The following TENM1 variants were observed in gnomAD, a reference collection of about 807,000 sequenced individuals.
TENM1 encodes teneurin transmembrane protein 1.
TENM1 carries 35 observed loss-of-function variants against 174.8 expected under a neutral mutation model. The ratio of observed to expected loss-of-function variants is 0.20; its 90% CI spans 0.15 to 0.27. The LOEUF (loss-of-function observed/expected upper bound fraction) is 0.27, where lower values mean the gene tolerates loss of function less well. Among genes scored for constraint, TENM1 ranks in the 10% least tolerant of loss-of-function variants. TENM1 has a pLI of 1.00. For synonymous variants in TENM1, 781 were observed against 798.7 expected, an observed-to-expected ratio of 0.98 and a Z score of 0.37; for missense variants, 1,633 against 2,130.1, an observed-to-expected ratio of 0.77 and a Z score of 4.59.
At chrX:124,599,558 A>C (rs776038752) in intron 11 of TENM1, among the ~76,000 whole-genome samples, 1 of 111,610 alleles carries the variant, frequency 9.0e-6, no homozygotes, top group African/African-American at 3.3e-5. Context: ...GAGGAGATCC[A>C]GCAAAAGAGA....
intron 11 of TENM1, among the ~76,000 whole-genome samples, chrX:124,582,198 T>C (rs182361512): frequency 4.4e-5 from 5 of 112,466 alleles, no homozygotes; most frequent in African/African-American, 1.6e-4. Context: ...TCCATGCCCC[T>C]GCAAAGGACA....
the TENM1 span, among the ~76,000 whole-genome samples, chrX:125,000,934 T>A: frequency 9.0e-6 from 1 of 110,744 alleles, no homozygotes; most frequent in Non-Finnish European, 1.9e-5. Context: ...CCTCCTTTGT[T>A]TTTTTTTCCC....
intron 3 of TENM1, among the ~76,000 whole-genome samples, chrX:124,828,194 A>T (rs938180295): frequency 2.7e-5 from 3 of 112,281 alleles, no homozygotes; most frequent in African/African-American, 9.7e-5. Context: ...CTAACAGTAA[A>T]TGATCTTAAT....
At chrX:124,414,058 T>A (rs1044425201) in intron 25 of TENM1, among the ~76,000 whole-genome samples, 2 of 112,194 alleles carry the variant, frequency 1.8e-5, no homozygotes, top group African/African-American at 6.5e-5. Flanking sequence ...CCCAGAGATA[T>A]TATGAAGGCT....
chrX:125,193,454 C>A, the TENM1 span, among the ~76,000 whole-genome samples: 2 of 111,739 alleles, frequency 1.8e-5, no homozygotes, highest in Non-Finnish European at 3.8e-5. Flanking sequence ...CTCACGGGAC[C>A]AAAGGATCCT....
At chrX:125,001,941 A>C in the TENM1 span, among the ~76,000 whole-genome samples, 3 of 99,701 alleles carry the variant, frequency 3.0e-5, no homozygotes, top group Admixed American at 1.1e-4. Context: ...ACACACACAC[A>C]CACACACACA....
chrX:124,690,773 G>A (rs1395684391), intron 5 of TENM1, among the ~76,000 whole-genome samples: 4 of 110,451 alleles, frequency 3.6e-5, no homozygotes, highest in Non-Finnish European at 7.6e-5. Flanking sequence ...CTCTTGCCTT[G>A]TGATCTCTGC....
chrX:124,931,494 A>G (rs1431977762), intron 1 of TENM1, among the ~76,000 whole-genome samples: 1 of 111,279 alleles, frequency 9.0e-6, no homozygotes, highest in Non-Finnish European at 1.9e-5. Flanking sequence ...GAGAGGAACC[A>G]TGAGGCTGAA....
chrX:125,061,846 G>A, the TENM1 span, among the ~76,000 whole-genome samples: 1 of 110,687 alleles, frequency 9.0e-6, no homozygotes, highest in Non-Finnish European at 1.9e-5. Flanking sequence ...AGAGGTTGCA[G>A]TGAGCCGAGA....
At chrX:125,086,995 T>A in the TENM1 span, among the ~76,000 whole-genome samples, 1 of 111,448 alleles carries the variant, frequency 9.0e-6, no homozygotes, top group Non-Finnish European at 1.9e-5. Flanking sequence ...CAAGTTTAAA[T>A]CCCAAATGAA....
rs934627238 is a variant in TENM1 at position 124,609,672 on chromosome X, G to T, written c.2077+32119C>A. On this transcript the variant is annotated intron_variant, in intron 11 of 31. Transcript: ENST00000422452. ...CTGCCTCATGCTCACATAACTCTTG[G>T]TTGCCCCCACTGGAGTAAAATGTAG... Among the ~76,000 whole-genome samples, 48 of 111,574 alleles carry T rather than the reference G, an allele frequency of 4.3e-4. 1 individual carries two copies. Among genetic ancestry groups the T allele is most frequent in the African/African-American group, 1.5e-3 (46 of 30,757 alleles).
chrX:124,798,470 T>C (rs1377652999), intron 3 of TENM1, among the ~76,000 whole-genome samples: 1 of 112,325 alleles, frequency 8.9e-6, no homozygotes, highest in Non-Finnish European at 1.9e-5. Context: ...CATATGTTTG[T>C]TGGCTGCATA....
At chrX:124,847,928 T>C (rs1051417844) in intron 3 of TENM1, among the ~76,000 whole-genome samples, 1 of 111,346 alleles carries the variant, frequency 9.0e-6, no homozygotes, top group Non-Finnish European at 1.9e-5. Context: ...TGGTGACTTA[T>C]TTTATGACAG....
At chrX:124,412,248 G>A (rs915587138) in intron 25 of TENM1, among the ~76,000 whole-genome samples, 1 of 113,133 alleles carries the variant, frequency 8.8e-6, no homozygotes, top group African/African-American at 3.2e-5. Context: ...TTGAGTGAGT[G>A]TGTGTGTGCA....
At chrX:124,405,074 T>C (rs1484963306) in exon 27 of TENM1, 1 of 1,211,692 alleles carries the variant, frequency 8.3e-7, no homozygotes, top group Non-Finnish European at 1.1e-6. Context: ...TTTGTTTTGC[T>C]CCTTCCTCTG....
At chrX:125,023,616 C>A in the TENM1 span, among the ~76,000 whole-genome samples, 1 of 105,422 alleles carries the variant, frequency 9.5e-6, no homozygotes, top group Non-Finnish European at 1.9e-5. Context: ...ACAGAAGAAT[C>A]TTAAAAAAAA....
intron 11 of TENM1, among the ~76,000 whole-genome samples, chrX:124,614,740 G>T (rs183225703): frequency 1.8e-5 from 2 of 112,186 alleles, no homozygotes; most frequent in African/African-American, 6.5e-5. Context: ...AAAATTAGCT[G>T]GGCGTGGTGG....
intron 16 of TENM1, among the ~76,000 whole-genome samples, chrX:124,526,556 C>T (rs191373635): frequency 2.0e-4 from 22 of 112,096 alleles, no homozygotes; most frequent in African/African-American, 6.8e-4. Context: ...AAATAGAATG[C>T]TGAATGATTA....
At chrX:124,839,300 A>C (rs1371625011) in intron 3 of TENM1, among the ~76,000 whole-genome samples, 1 of 111,857 alleles carries the variant, frequency 8.9e-6, no homozygotes, top group Non-Finnish European at 1.9e-5. Context: ...AATGATACAA[A>C]CTATATCGAC....
Sources: gnomAD v4.1 joint callset for allele counts (sites outside exome capture counted in the v4.1 genomes callset) on GRCh38, gnomAD v4.1.1 for gene constraint, MANE v1.5 for transcripts, NCBI Gene and HGNC (gene_info 2026-07-23, HGNC 2026-07-21) for gene names.